The following ASTN1 variants were observed in gnomAD, a reference collection of about 807,000 sequenced individuals.
ASTN1 encodes the protein astrotactin 1, also known as astrotactin-1.
In ASTN1, 41 loss-of-function variants were observed where a neutral mutation model predicts 140.7. The ratio of observed to expected loss-of-function variants is 0.29; its 90% CI spans 0.23 to 0.38. The LOEUF is 0.38. Ranked by LOEUF, ASTN1 falls within the 10% of genes least tolerant of loss-of-function variation. ASTN1 has a pLI of 1.00. For synonymous variants in ASTN1, 640 were observed against 652.2 expected (o/e 0.98, Z 0.29); for missense variants, 1,479 against 1,678.8 (o/e 0.88, Z 2.08).
chr1:177,011,061 G>T (rs1484985531), intron 8 of ASTN1, among the ~76,000 whole-genome samples: 1 of 152,014 alleles, frequency 6.6e-6, no homozygotes, highest in Non-Finnish European at 1.5e-5. Context: ...CTAGTCTTTT[G>T]CCACCTTACC....
intron 1 of ASTN1, among the ~76,000 whole-genome samples, chr1:177,132,019 C>T (rs1681967529): frequency 6.6e-6 from 1 of 152,196 alleles, no homozygotes; most frequent in South Asian, 2.1e-4. Context: ...AACATTGCCA[C>T]ATTCAGGATC....
At chr1:176,895,515 G>A (rs1413704915) in intron 16 of ASTN1, among the ~76,000 whole-genome samples, 1 of 152,186 alleles carries the variant, frequency 6.6e-6, no homozygotes, top group Non-Finnish European at 1.5e-5. Context: ...TTAGGTCAGA[G>A]AGGAAGAAGA....
At chr1:177,087,836 C>G (rs572107667) in intron 1 of ASTN1, among the ~76,000 whole-genome samples, 248 of 152,302 alleles carry the variant, frequency 1.6e-3, no homozygotes, top group South Asian at 4.8e-3. Context: ...CCCGCTGCTG[C>G]TGTTAGATGC....
intron 2 of ASTN1, among the ~76,000 whole-genome samples, chr1:177,039,879 T>C (rs746167089): frequency 2.0e-5 from 3 of 152,210 alleles, no homozygotes; most frequent in Non-Finnish European, 4.4e-5. Flanking sequence ...AAGGAGATGA[T>C]GGAGCTGGCC....
intron 8 of ASTN1, among the ~76,000 whole-genome samples, chr1:177,012,808 C>T (rs79726301): frequency 4.6e-5 from 7 of 152,158 alleles, no homozygotes; most frequent in Non-Finnish European, 7.3e-5. Context: ...GTCACTACAG[C>T]GAGCCAGCCT....
intron 8 of ASTN1, among the ~76,000 whole-genome samples, chr1:177,004,834 G>A (rs1674914035): frequency 6.6e-6 from 1 of 152,142 alleles, no homozygotes; most frequent in African/African-American, 2.4e-5. Context: ...ACTTAAGATG[G>A]ATTAAAGGCT....
intron 7 of ASTN1, among the ~76,000 whole-genome samples, chr1:177,022,623 G>A (rs569118999): frequency 2.6e-5 from 4 of 152,156 alleles, no homozygotes; most frequent in African/African-American, 7.2e-5. Flanking sequence ...ACTTGAAGAC[G>A]TTCCTACTCT....
chr1:176,960,885 C>T (rs1233954873), intron 9 of ASTN1, among the ~76,000 whole-genome samples: 1 of 152,040 alleles, frequency 6.6e-6, no homozygotes, highest in Non-Finnish European at 1.5e-5. Context: ...CAGAAAGCTC[C>T]CCAGGGCCTT....
At chr1:177,069,268 T>C (rs1678513791) in intron 1 of ASTN1, among the ~76,000 whole-genome samples, 1 of 152,202 alleles carries the variant, frequency 6.6e-6, no homozygotes, top group African/African-American at 2.4e-5. Flanking sequence ...GTTTTGTTTC[T>C]GTGGATAAGA....
At chr1:176,937,405 TGA>T (rs1449859682) in intron 14 of ASTN1, among the ~76,000 whole-genome samples, 1 of 152,218 alleles carries the variant, frequency 6.6e-6, no homozygotes, top group African/African-American at 2.4e-5. Context: ...ATGGAAAAAC[TGA>T]GGCTCTGAGA....
At chr1:177,014,951 C>T in intron 7 of ASTN1, 76 bp from the exon 8 acceptor site, 1 of 1,356,172 alleles carries the variant, frequency 7.4e-7, no homozygotes, top group Non-Finnish European at 1.0e-6. Context: ...TAAAAATTAA[C>T]ATGAAATAGT....
Position 177,032,756 on chromosome 1 carries a change from G to A in ASTN1, c.565C>T (p.Pro189Ser). ...RWCKRRRVPQ[P>S]QKSASAEAAN... ...GCCTCAGCACTGGCACTCTTCTGGG[G>A]CTGCGGGACCCGGCGGCGTTTGCAC... Residue 189 changes from proline to serine, a missense_variant, in exon 3 of 23, where the codon CCC becomes TCC. Around this residue, in one of 3 missense-constraint regions of ASTN1, gnomAD observed 729 missense variants for 860.4 expected, o/e 0.85. Coordinates refer to ENST00000361833, the MANE Select transcript of ASTN1 (RefSeq NM_004319.3). 12 of 1,613,734 alleles carry A rather than the reference G, an allele frequency of 7.4e-6. No individual in the cohort carries two copies. The highest frequency in any genetic ancestry group is 1.0e-5 in the Non-Finnish European group (12 of 1,180,026).
Position 177,118,560 on chromosome 1 carries a change from C to A in ASTN1, c.283+45834G>T, listed in dbSNP as rs1178344980. On this transcript the variant is annotated intron_variant, in intron 1 of 22. Coordinates refer to ENST00000361833, the MANE Select transcript of ASTN1 (RefSeq NM_004319.3). ...ACTAAGGTAGTTCTGAACAGGTAGG[C>A]CCCTCTTCAAATAAGCCATTAACAC... Among the ~76,000 whole-genome samples, 3 of 152,240 alleles carry A rather than the reference C, an allele frequency of 2.0e-5. No individual in the cohort carries two copies. In the East Asian group the frequency reaches 5.8e-4, roughly 29 times the overall value.
chr1:176,919,187 G>A (rs1164384611), intron 16 of ASTN1, among the ~76,000 whole-genome samples: 5 of 152,016 alleles, frequency 3.3e-5, no homozygotes, highest in East Asian at 1.9e-4. Context: ...CCTCTCATGC[G>A]GTGTTGTTTG....
intron 1 of ASTN1, among the ~76,000 whole-genome samples, chr1:177,065,848 C>T (rs780767019): frequency 1.1e-4 from 16 of 152,032 alleles, no homozygotes; most frequent in African/African-American, 3.9e-4. Flanking sequence ...ACAAAGACCC[C>T]GAAAGAAAAT....
At chr1:177,068,331 TCC>T (rs1042555785) in intron 1 of ASTN1, among the ~76,000 whole-genome samples, 6 of 152,174 alleles carry the variant, frequency 3.9e-5, no homozygotes, top group Admixed American at 6.5e-5. Context: ...AAAGCTCTCA[TCC>T]AACAGAAGCA....
At chr1:177,108,878 G>A (rs1238419108) in intron 1 of ASTN1, among the ~76,000 whole-genome samples, 7 of 152,114 alleles carry the variant, frequency 4.6e-5, no homozygotes, top group Non-Finnish European at 8.8e-5. Flanking sequence ...CATTTAGGTG[G>A]CAATGGAAAC....
At chr1:177,068,949 G>A (rs1678498907) in intron 1 of ASTN1, among the ~76,000 whole-genome samples, 2 of 151,528 alleles carry the variant, frequency 1.3e-5, no homozygotes, top group African/African-American at 4.9e-5. Context: ...TTCCCAAGCA[G>A]CTGGGACTAC....
chr1:177,054,917 T>C (rs1263339066), intron 2 of ASTN1, among the ~76,000 whole-genome samples: 1 of 152,148 alleles, frequency 6.6e-6, no homozygotes, highest in Admixed American at 6.6e-5. Flanking sequence ...GCTGATAAAA[T>C]CACTCAGATC....
Sources: gnomAD v4.1 joint callset for allele counts (sites outside exome capture counted in the v4.1 genomes callset) on GRCh38, gnomAD v4.1.1 for gene constraint, gnomAD v4.1.1 regional missense constraint, MANE v1.5 for transcripts, NCBI Gene and HGNC (gene_info 2026-07-23, HGNC 2026-07-21) for gene names.